AK8: variants seen among roughly 807,000 people sequenced by gnomAD.
AK8 encodes the protein ATP-AMP transphosphorylase 8.
A neutral mutation model predicts 54.6 loss-of-function variants in AK8; 44 were observed. The ratio of observed to expected loss-of-function variants is 0.81; its 90% CI spans 0.63 to 1.04. The LOEUF (loss-of-function observed/expected upper bound fraction) is 1.04. Among genes scored for constraint, AK8 ranks in the 50% least tolerant of loss-of-function variants. AK8 has a pLI of 0.00. For missense variants in AK8, 555 were observed against 613.6 expected (o/e 0.90, Z 1.01); for synonymous variants, 239 against 245.6 (o/e 0.97, Z 0.25).
chr9:132,842,152 T>A (rs1842569699), intron 5 of AK8, among the ~76,000 whole-genome samples: 1 of 152,216 alleles, frequency 6.6e-6, no homozygotes. Context: ...GACAAGTATG[T>A]TCCTAGTGTT....
chr9:132,742,223 G>A (rs1028587448), intron 11 of AK8, among the ~76,000 whole-genome samples: 14 of 148,138 alleles, frequency 9.5e-5, no homozygotes, highest in African/African-American at 3.5e-4. Flanking sequence ...TGCTCAGGCT[G>A]GAGTGTAATG....
At chr9:132,877,968 G>A (rs1343642330) in intron 1 of AK8, 1 of 1,372,478 alleles carries the variant, frequency 7.3e-7, no homozygotes, top group South Asian at 1.3e-5. Context: ...GTCCGCCTGA[G>A]GCAAACCCGG....
intron 5 of AK8, 36 bp downstream of exon 5, chr9:132,854,821 C>A: frequency 6.2e-7 from 1 of 1,611,340 alleles, no homozygotes; most frequent in Non-Finnish European, 8.5e-7. Context: ...TCCCCTTTAT[C>A]TTGGCACTGA....
chr9:132,877,142 A>T (rs1317507445), intron 1 of AK8, among the ~76,000 whole-genome samples: 1 of 152,218 alleles, frequency 6.6e-6, no homozygotes, highest in Non-Finnish European at 1.5e-5. Context: ...TAGAGCAGAC[A>T]ACAGGGCTCC....
intron 9 of AK8, among the ~76,000 whole-genome samples, chr9:132,819,813 G>A (rs1451893276): frequency 2.0e-5 from 3 of 151,924 alleles, no homozygotes; most frequent in African/African-American, 7.3e-5. Context: ...TACCACAATA[G>A]AATTAAATTA....
rs185264847 is a variant in AK8 at position 132,866,925 on chromosome 9, G to A, written c.198C>T (p.Pro66=). The part of the protein sequence containing the change: ...NVPRIVILGP[P]ASGKTTIAMW... ...TTACTATTGTTGTTTTCCCTGAGGC[G>A]GGTGGACCTAATATTACAATCCTGG... Residue 66 remains proline, a synonymous_variant, in exon 3 of 13, where the codon CCC becomes CCT. Coordinates refer to ENST00000298545, the MANE Select transcript of AK8 (RefSeq NM_152572.3). The A allele has an allele frequency of 6.3e-5, 102 of 1,613,942 alleles. No homozygotes were observed. The Middle Eastern group carries it at 1.5e-3, about 23-fold the overall frequency.
chr9:132,866,611 G>A (rs1843607556), intron 3 of AK8, among the ~76,000 whole-genome samples: 1 of 152,178 alleles, frequency 6.6e-6, no homozygotes, highest in South Asian at 2.1e-4. Flanking sequence ...TAAGGATATA[G>A]CGAAGGGTGA....
At chr9:132,761,576 T>C (rs890618587) in intron 11 of AK8, among the ~76,000 whole-genome samples, 4 of 152,290 alleles carry the variant, frequency 2.6e-5, no homozygotes, top group Admixed American at 6.5e-5. Context: ...TTTCTTCTTA[T>C]GTCACTATTC....
intron 4 of AK8, among the ~76,000 whole-genome samples, chr9:132,856,674 C>T (rs1340004527): frequency 6.6e-6 from 1 of 152,170 alleles, no homozygotes; most frequent in East Asian, 1.9e-4. Flanking sequence ...AGGCCCAGGA[C>T]ATCAGTGCAA....
intron 7 of AK8, chr9:132,827,579 C>T (rs1191772682): frequency 4.8e-6 from 1 of 209,176 alleles, no homozygotes. Context: ...TCTTCAAGGC[C>T]CAGTTCAAGG....
chr9:132,774,134 C>T (rs1388822835), intron 11 of AK8, among the ~76,000 whole-genome samples: 1 of 152,124 alleles, frequency 6.6e-6, no homozygotes, highest in East Asian at 1.9e-4. Flanking sequence ...AAGCCTTGCC[C>T]TATGACCTAG....
Position 132,837,734 on chromosome 9 carries a change from CACCA to C in AK8, c.403-9012_403-9009del, listed in dbSNP as rs1842384226. ...ACGTGCCCTTAAGAAGCCCATATCA[CACCA>C]ACCAACCAACCACGCCTCAGCATCA... On this transcript the variant is annotated intron_variant, in intron 5 of 12. Coordinates refer to ENST00000298545, the MANE Select transcript of AK8 (RefSeq NM_152572.3). This position sits in a 1 kb window ranked among gnomAD's most constrained non-coding sequence, Gnocchi z 4.3. Among the ~76,000 whole-genome samples the C allele has an allele frequency of 6.6e-6, 1 of 152,194 alleles. No homozygotes were observed. The highest frequency in any genetic ancestry group is 2.4e-5 in the African/African-American group (1 of 41,452).
In AK8 at chr9:132,832,064, A is replaced by G. The variant is rs1334677089; in HGVS notation, c.403-3338T>C. Among the ~76,000 whole-genome samples, 27 of 34,190 alleles carry G rather than the reference A, an allele frequency of 7.9e-4. No homozygotes were observed. In the East Asian group the frequency reaches 0.01, roughly 13 times the overall value. 22.4% of individuals were successfully genotyped at this position (34,190 alleles called of 152,430 possible). ...GTGACACAGTGAGACCTTGTCTCTG[A>G]AAAAAAAAAAAAAAAAAAAAAAAAA... On this transcript the variant is annotated intron_variant, in intron 5 of 12. Transcript: ENST00000298545.
intron 11 of AK8, among the ~76,000 whole-genome samples, chr9:132,757,309 A>G (rs1000984661): frequency 6.6e-6 from 1 of 152,198 alleles, no homozygotes; most frequent in African/African-American, 2.4e-5. Flanking sequence ...CACTGCACCA[A>G]CGAGGCCGTG....
chr9:132,850,816 G>A (rs1842943637), intron 5 of AK8, among the ~76,000 whole-genome samples: 2 of 151,394 alleles, frequency 1.3e-5, no homozygotes, highest in East Asian at 1.9e-4. Context: ...TTACAGGTGT[G>A]AGCCACCATG....
At chr9:132,820,221 A>C (rs1316333093) in intron 9 of AK8, among the ~76,000 whole-genome samples, 1 of 152,010 alleles carries the variant, frequency 6.6e-6, no homozygotes. Flanking sequence ...GTAAAAAAAA[A>C]AAAAAATCTG....
chr9:132,820,572 A>T (rs1841542456), intron 9 of AK8, among the ~76,000 whole-genome samples: 1 of 152,218 alleles, frequency 6.6e-6, no homozygotes. Flanking sequence ...TTGGAGCAGA[A>T]TAAACTCCTA....
chr9:132,788,799 A>G (rs1191921926), intron 11 of AK8, among the ~76,000 whole-genome samples: 1 of 152,226 alleles, frequency 6.6e-6, no homozygotes, highest in East Asian at 1.9e-4. Context: ...AAACTCTCTC[A>G]GATATGGAGA....
At chr9:132,749,444 C>G (rs1837802269) in intron 11 of AK8, among the ~76,000 whole-genome samples, 1 of 151,946 alleles carries the variant, frequency 6.6e-6, no homozygotes. Context: ...TGTGCTGGCT[C>G]TTCAGGTGCC....
Sources: allele counts gnomAD v4.1 joint callset (sites outside exome capture counted in the v4.1 genomes callset), GRCh38; gene constraint gnomAD v4.1.1; non-coding constraint Gnocchi (gnomAD v3.1); transcripts MANE v1.5; gene names NCBI Gene and HGNC (gene_info 2026-07-23, HGNC 2026-07-21).